GHR: variants seen among roughly 807,000 people sequenced by gnomAD.
GHR encodes the protein growth hormone receptor.
GHR carries 35 observed loss-of-function variants against 67.1 expected under a neutral mutation model. The observed-to-expected ratio is 0.52, with a 90% CI of 0.40 to 0.69. The LOEUF (loss-of-function observed/expected upper bound fraction) is 0.69, where lower values mean the gene tolerates loss of function less well. Ranked by LOEUF, GHR falls within the 30% of genes least tolerant of loss-of-function variation. The probability of loss-of-function intolerance (pLI) is 0.00; values close to 1 mark genes in which losing one functional copy is unlikely to be tolerated. For synonymous variants in GHR, 272 were observed against 269.1 expected, an observed-to-expected ratio of 1.01 and a Z score of -0.10; for missense variants, 792 against 764.6, an observed-to-expected ratio of 1.04 and a Z score of -0.42.
intron 3 of GHR, among the ~76,000 whole-genome samples, chr5:42,664,657 G>A (rs1415110979): frequency 1.3e-5 from 2 of 152,096 alleles, no homozygotes; most frequent in African/African-American, 2.4e-5. Context: ...GAAAACCTAG[G>A]CATTATCATT....
rs1749906474 is a variant in GHR, at chr5:42,565,963, T to G, written c.70+19T>G. On this transcript the variant is annotated intron_variant, in intron 2 of 9. Coordinates refer to ENST00000230882, the MANE Select transcript of GHR (RefSeq NM_000163.5). ...AGTGAGGGTGAGTTCTGCTTTTCCATTTCCACCCTCAGTGTTTTGAAACAA... is the reference window on the plus strand; with the variant it reads ...AGTGAGGGTGAGTTCTGCTTTTCCAGTTCCACCCTCAGTGTTTTGAAACAA... 1.9e-6 allele frequency: 3 copies of G among 1,613,752 alleles called. No individual in the cohort carries two copies. Among genetic ancestry groups the G allele is most frequent in the Non-Finnish European group, 2.5e-6 (3 of 1,179,752 alleles).
chr5:42,651,590 C>G lies in GHR; in HGVS notation c.136+22487C>G, dbSNP rs933220699. Among the ~76,000 whole-genome samples, 38 of 152,294 alleles carry G rather than the reference C, an allele frequency of 2.5e-4. 1 individual carries two copies. The highest frequency in any genetic ancestry group is 3.4e-3 in the Middle Eastern group (1 of 294). ...CACTGACCTGTTTTCATTCTCTCCT[C>G]TCTCTGCTTCTCCATTTCCACTTAT... On this transcript the variant is annotated intron_variant, in intron 3 of 9. Transcript: ENST00000230882.
chr5:42,444,806 C>T (rs1355711435), intron 1 of GHR, among the ~76,000 whole-genome samples: 4 of 152,166 alleles, frequency 2.6e-5, no homozygotes, highest in South Asian at 2.1e-4. Context: ...AATGCCACAA[C>T]GTCAAATGCC....
chr5:42,559,979 A>G (rs750007883), intron 1 of GHR, among the ~76,000 whole-genome samples: 12 of 152,220 alleles, frequency 7.9e-5, no homozygotes, highest in Non-Finnish European at 1.8e-4. Flanking sequence ...TCAACTAGAT[A>G]TAATTTCACA....
chr5:42,656,073 G>A (rs149260786), intron 3 of GHR, among the ~76,000 whole-genome samples: 4 of 152,156 alleles, frequency 2.6e-5, no homozygotes, highest in African/African-American at 7.2e-5. Flanking sequence ...CACAAAATCA[G>A]TCATACAGAA....
chr5:42,598,025 C>G (rs904316000), intron 2 of GHR, among the ~76,000 whole-genome samples: 1 of 152,122 alleles, frequency 6.6e-6, no homozygotes, highest in Admixed American at 6.6e-5. Flanking sequence ...TGACTTGATT[C>G]ATGTCTTTAA....
intron 1 of GHR, among the ~76,000 whole-genome samples, chr5:42,442,530 G>A (rs1743624330): frequency 1.3e-5 from 2 of 152,120 alleles, no homozygotes; most frequent in Non-Finnish European, 2.9e-5. Context: ...CATATAGACA[G>A]GAGAAGGAGA....
chr5:42,440,579 A>G (rs1465695798), intron 1 of GHR, among the ~76,000 whole-genome samples: 1 of 152,210 alleles, frequency 6.6e-6, no homozygotes, highest in East Asian at 1.9e-4. Context: ...TAAGAGCAAT[A>G]GAAAACCATT....
intron 3 of GHR, among the ~76,000 whole-genome samples, chr5:42,647,027 G>C (rs1459897959): frequency 6.6e-6 from 1 of 152,118 alleles, no homozygotes; most frequent in Non-Finnish European, 1.5e-5. Context: ...GGAGGTAAGT[G>C]AATCACTTAA....
chr5:42,468,554 C>A, intron 1 of GHR: 1 of 867,170 alleles, frequency 1.2e-6, no homozygotes, highest in South Asian at 1.7e-5. Context: ...GACCCTTATT[C>A]CTTCTTTCTT....
intron 1 of GHR, among the ~76,000 whole-genome samples, chr5:42,489,308 G>A (rs1487551297): frequency 2.6e-5 from 4 of 151,458 alleles, no homozygotes; most frequent in Admixed American, 1.3e-4. Context: ...ATTCTTCAAC[G>A]CTCTTAGCAA....
At chr5:42,605,613 T>C (rs1397843446) in intron 2 of GHR, among the ~76,000 whole-genome samples, 1 of 152,212 alleles carries the variant, frequency 6.6e-6, no homozygotes, top group African/African-American at 2.4e-5. Context: ...TATACCCCAC[T>C]CACTCTGCAG....
chr5:42,517,084 T>G (rs1747270888), intron 1 of GHR, among the ~76,000 whole-genome samples: 1 of 152,234 alleles, frequency 6.6e-6, no homozygotes, highest in Non-Finnish European at 1.5e-5. Flanking sequence ...AGCTACTGGT[T>G]AAATCATTAA....
chr5:42,426,334 T>A (rs1463343075), intron 1 of GHR, among the ~76,000 whole-genome samples: 2 of 152,198 alleles, frequency 1.3e-5, no homozygotes, highest in Non-Finnish European at 2.9e-5. Flanking sequence ...GTGAGCAATG[T>A]TAATGTAAAG....
intron 1 of GHR, among the ~76,000 whole-genome samples, chr5:42,487,409 G>T (rs1745930390): frequency 6.6e-6 from 1 of 152,144 alleles, no homozygotes; most frequent in Non-Finnish European, 1.5e-5. Flanking sequence ...TTAGAGAAAA[G>T]CTCTACATTT....
At chr5:42,500,476 C>A (rs949230423) in intron 1 of GHR, among the ~76,000 whole-genome samples, 3 of 152,138 alleles carry the variant, frequency 2.0e-5, no homozygotes, top group Admixed American at 2.0e-4. Flanking sequence ...AGGGTTGTTA[C>A]GAGGATAAAA....
intron 2 of GHR, among the ~76,000 whole-genome samples, chr5:42,574,873 T>C (rs1234143435): frequency 6.6e-6 from 1 of 152,146 alleles, no homozygotes; most frequent in Non-Finnish European, 1.5e-5. Flanking sequence ...ACTGATGCCT[T>C]AAAGCAGAGG....
At position 42,536,163 on chromosome 5, in the gene GHR, C is replaced by G. The variant is rs186278351; in HGVS notation, c.-11-29701C>G. 7.9e-4 allele frequency among the ~76,000 whole-genome samples: 120 copies of G among 152,180 alleles called. 1 individual carries two copies. Among genetic ancestry groups the G allele is most frequent in the African/African-American group, 2.5e-3 (105 of 41,516 alleles). ...ATTTGGATGCTCTTTATTTCTTTCT[C>G]TCATCTGATTGCTCTGGCTAGGACT... On this transcript the variant is annotated intron_variant, in intron 1 of 9. Coordinates refer to ENST00000230882, the MANE Select transcript of GHR (RefSeq NM_000163.5).
chr5:42,429,539 T>G (rs1273799076), intron 1 of GHR, among the ~76,000 whole-genome samples: 1 of 152,234 alleles, frequency 6.6e-6, no homozygotes, highest in African/African-American at 2.4e-5. Flanking sequence ...CGCTCTTGAT[T>G]AATTTCATAC....
Sources: allele counts gnomAD v4.1 joint callset (sites outside exome capture counted in the v4.1 genomes callset), GRCh38; gene constraint gnomAD v4.1.1; transcripts MANE v1.5; gene names NCBI Gene and HGNC (gene_info 2026-07-23, HGNC 2026-07-21).